Variants in FSTL5 observed in about 807,000 individuals in gnomAD.
FSTL5 encodes the protein follistatin like 5.
FSTL5 carries 62 observed loss-of-function variants against 89.1 expected under a neutral mutation model. The ratio of observed to expected loss-of-function variants is 0.70; its 90% CI spans 0.57 to 0.86. FSTL5 has a LOEUF of 0.86. FSTL5 is among the 40% of genes least tolerant of loss of function. FSTL5 has a pLI of 0.00. For synonymous variants in FSTL5, 383 were observed against 346.2 expected (o/e 1.11, Z -1.18); for missense variants, 1,057 against 1,001.6 (o/e 1.06, Z -0.75).
At chr4:161,562,375 T>G (rs182399134) in intron 8 of FSTL5, among the ~76,000 whole-genome samples, 145 of 152,122 alleles carry the variant, frequency 9.5e-4, no homozygotes, top group African/African-American at 3.3e-3. Context: ...GCTGTGATTT[T>G]CATAGAAACT....
At chr4:161,452,411 G>T (rs1034341739) in intron 15 of FSTL5, among the ~76,000 whole-genome samples, 2 of 152,024 alleles carry the variant, frequency 1.3e-5, no homozygotes, top group Non-Finnish European at 2.9e-5. Context: ...GGGAGGTGGA[G>T]GTTGCTGTGA....
chr4:162,018,473 C>T (rs1483547), intron 3 of FSTL5, among the ~76,000 whole-genome samples: 151,931 of 152,240 alleles, frequency 1, 75,811 homozygotes, highest in Middle Eastern at 1. Flanking sequence ...ATTATTTCCT[C>T]ATTTTGCAGC....
chr4:161,504,216 A>T (rs1374318871), intron 11 of FSTL5, among the ~76,000 whole-genome samples: 1 of 151,904 alleles, frequency 6.6e-6, no homozygotes, highest in African/African-American at 2.4e-5. Flanking sequence ...AAAAATTTCT[A>T]TTTCCATTTC....
intron 3 of FSTL5, among the ~76,000 whole-genome samples, chr4:162,000,711 C>T (rs1309660215): frequency 6.6e-6 from 1 of 152,044 alleles, no homozygotes; most frequent in African/African-American, 2.4e-5. Context: ...TGTACAATGA[C>T]CTTTTAATCT....
intron 2 of FSTL5, among the ~76,000 whole-genome samples, chr4:162,105,809 G>C (rs1400117965): frequency 6.6e-6 from 1 of 152,048 alleles, no homozygotes; most frequent in East Asian, 1.9e-4. Flanking sequence ...ACTGCTTCCT[G>C]ACCTCTGCAA....
Position 161,688,805 on chromosome 4 carries a change from C to T in FSTL5, c.728-32311G>A, listed in dbSNP as rs970555355. Among the ~76,000 whole-genome samples, 12 of 152,240 alleles carry T rather than the reference C, an allele frequency of 7.9e-5. No individual in the cohort carries two copies. The Middle Eastern group carries it at 0.014, about 174-fold the overall frequency. ...TTTATTGCCAGAATCAAGACTACTA[C>T]TGCTTGTTTATTCCCCTTGAAACCA... On this transcript the variant is annotated intron_variant, in intron 6 of 15. Coordinates refer to ENST00000306100, the MANE Select transcript of FSTL5 (RefSeq NM_020116.5).
intron 4 of FSTL5, among the ~76,000 whole-genome samples, chr4:161,806,902 A>G (rs77726840): frequency 0.012 from 1,813 of 152,170 alleles, 34 homozygotes; most frequent in African/African-American, 0.042. Flanking sequence ...ATAGACAGAT[A>G]GATAGATACA....
At chr4:161,779,821 A>ATGTATATATATATATATATATG (rs1267702879) in intron 4 of FSTL5, among the ~76,000 whole-genome samples, 89 of 63,326 alleles carry the variant, frequency 1.4e-3, no homozygotes, top group South Asian at 4.6e-3. Flanking sequence ...GTATATATAT[A>ATGTATATATATATATATATATG]TATATATATA....
At chr4:161,926,838 T>C (rs1028936234) in intron 3 of FSTL5, among the ~76,000 whole-genome samples, 5 of 151,872 alleles carry the variant, frequency 3.3e-5, no homozygotes, top group Admixed American at 1.3e-4. Flanking sequence ...CATTATACAC[T>C]TTGGCTAAAA....
chr4:161,534,651 C>T (rs1428734508), intron 10 of FSTL5, among the ~76,000 whole-genome samples: 1 of 151,972 alleles, frequency 6.6e-6, no homozygotes, highest in Non-Finnish European at 1.5e-5. Flanking sequence ...CCATACTATC[C>T]AAAGCAATTT....
intron 4 of FSTL5, among the ~76,000 whole-genome samples, chr4:161,839,285 TGAAA>T (rs1205102829): frequency 1.3e-5 from 2 of 152,074 alleles, no homozygotes; most frequent in African/African-American, 4.8e-5. Context: ...ACGGGATGAA[TGAAA>T]GAGAGAAAGA....
At chr4:162,004,333 G>T (rs1027118017) in intron 3 of FSTL5, among the ~76,000 whole-genome samples, 10 of 151,960 alleles carry the variant, frequency 6.6e-5, no homozygotes, top group African/African-American at 1.9e-4. Flanking sequence ...CCATTACTAG[G>T]TCCCATTGAC....
chr4:161,944,372 A>G (rs1275961704), intron 3 of FSTL5, among the ~76,000 whole-genome samples: 1 of 152,096 alleles, frequency 6.6e-6, no homozygotes, highest in African/African-American at 2.4e-5. Context: ...AAAAATTAGA[A>G]AAAAATTTAA....
chr4:161,893,495 T>C (rs1733054126), intron 4 of FSTL5, among the ~76,000 whole-genome samples: 1 of 152,150 alleles, frequency 6.6e-6, no homozygotes, highest in African/African-American at 2.4e-5. Flanking sequence ...AGCCATCACA[T>C]TATCCTTAAC....
At chr4:162,060,184 A>G (rs1343034586) in intron 2 of FSTL5, among the ~76,000 whole-genome samples, 4 of 152,080 alleles carry the variant, frequency 2.6e-5, no homozygotes, top group African/African-American at 9.7e-5. Flanking sequence ...TCTTATGTCT[A>G]TACTTCTATC....
chr4:162,075,138 T>G (rs1210101640), intron 2 of FSTL5, among the ~76,000 whole-genome samples: 4 of 151,910 alleles, frequency 2.6e-5, no homozygotes, highest in Non-Finnish European at 5.9e-5. Context: ...TGAAGCCCCA[T>G]GAAGACTCGA....
chr4:161,406,970 A>G (rs905965560), intron 15 of FSTL5, among the ~76,000 whole-genome samples: 49 of 152,090 alleles, frequency 3.2e-4, no homozygotes, highest in African/African-American at 1.2e-3. Context: ...TGTTTTTTAT[A>G]TGTCTAATGT....
intron 3 of FSTL5, among the ~76,000 whole-genome samples, chr4:161,934,245 T>C (rs1216675683): frequency 1.3e-5 from 2 of 152,134 alleles, no homozygotes; most frequent in South Asian, 2.1e-4. Context: ...TCAATGTTTA[T>C]AGTTCTAGCA....
At chr4:162,026,917 C>T (rs1737316884) in intron 3 of FSTL5, among the ~76,000 whole-genome samples, 2 of 152,218 alleles carry the variant, frequency 1.3e-5, no homozygotes, top group Admixed American at 1.3e-4. Context: ...GCAAAATGAG[C>T]TGCAAAATAA....
Sources: gnomAD v4.1 joint callset for allele counts (sites outside exome capture counted in the v4.1 genomes callset) on GRCh38, gnomAD v4.1.1 for gene constraint, MANE v1.5 for transcripts, NCBI Gene and HGNC (gene_info 2026-07-23, HGNC 2026-07-21) for gene names.